RANBP17: variants seen among roughly 807,000 people sequenced by gnomAD.
The protein encoded by RANBP17 is RAN binding protein 17.
RANBP17 carries 158 observed loss-of-function variants against 141.2 expected under a neutral mutation model. That is an observed-to-expected ratio of 1.12 (90% CI 0.98 to 1.28). RANBP17 has a LOEUF of 1.28. Ranked by LOEUF, RANBP17 falls within the 50% of genes most tolerant of loss-of-function variation. The probability of loss-of-function intolerance (pLI) is 0.00; values close to 1 mark genes in which losing one functional copy is unlikely to be tolerated. For missense variants in RANBP17, 1,438 were observed against 1,290.7 expected (o/e 1.11, Z -1.75); for synonymous variants, 430 against 450.0 (o/e 0.96, Z 0.56).
chr5:171,170,524 C>T (rs1048214928), intron 15 of RANBP17, among the ~76,000 whole-genome samples: 6 of 151,820 alleles, frequency 4.0e-5, no homozygotes, highest in East Asian at 1.9e-4. Context: ...GAAAAGCACG[C>T]GATTTGAAAG....
chr5:171,234,918 T>A (rs1428013150), intron 22 of RANBP17, among the ~76,000 whole-genome samples: 1 of 152,138 alleles, frequency 6.6e-6, no homozygotes, highest in East Asian at 1.9e-4. Flanking sequence ...AGGTAAGAAC[T>A]AGGAATGAGT....
intron 14 of RANBP17, among the ~76,000 whole-genome samples, chr5:171,147,642 C>G (rs1266167349): frequency 1.3e-5 from 2 of 152,092 alleles, no homozygotes; most frequent in African/African-American, 4.8e-5. Flanking sequence ...TCTTGAACTC[C>G]TGACTTCATG....
intron 12 of RANBP17, among the ~76,000 whole-genome samples, chr5:170,935,886 C>T (rs916956169): frequency 1.3e-5 from 2 of 152,218 alleles, no homozygotes; most frequent in Non-Finnish European, 2.9e-5. Flanking sequence ...ATGCCCTGCC[C>T]CTAGAGGTGG....
At chr5:171,252,619 C>T in intron 24 of RANBP17, 2 of 1,357,242 alleles carry the variant, frequency 1.5e-6, no homozygotes, top group Non-Finnish European at 2.1e-6. Context: ...TCAACTTCAT[C>T]GATTTACAAA....
intron 24 of RANBP17, chr5:171,252,722 CTGT>C: frequency 6.9e-7 from 1 of 1,451,396 alleles, no homozygotes; most frequent in South Asian, 1.1e-5. Context: ...AGCCTTGTTG[CTGT>C]TGTGGTTCAC....
intron 14 of RANBP17, among the ~76,000 whole-genome samples, chr5:171,040,673 T>C (rs1782193988): frequency 6.6e-6 from 1 of 152,086 alleles, no homozygotes; most frequent in Admixed American, 6.6e-5. Flanking sequence ...GTCCCAAACA[T>C]GGTAAAACTG....
chr5:170,889,913 A>T (rs1217748295), intron 3 of RANBP17, among the ~76,000 whole-genome samples: 4 of 152,202 alleles, frequency 2.6e-5, no homozygotes, highest in Admixed American at 2.6e-4. Flanking sequence ...ACATTCTTAT[A>T]GTTTGTGTAA....
At chr5:171,096,860 G>A (rs951918443) in intron 14 of RANBP17, among the ~76,000 whole-genome samples, 1 of 152,100 alleles carries the variant, frequency 6.6e-6, no homozygotes, top group African/African-American at 2.4e-5. Flanking sequence ...TGAAGAAGGG[G>A]TGGAGGGATG....
At chr5:171,014,709 A>G (rs1483111839) in intron 14 of RANBP17, among the ~76,000 whole-genome samples, 2 of 152,010 alleles carry the variant, frequency 1.3e-5, no homozygotes, top group Non-Finnish European at 2.9e-5. Flanking sequence ...GATTTAAATA[A>G]TAAGAAAATC....
At chr5:171,088,916 C>T (rs1479833046) in intron 14 of RANBP17, among the ~76,000 whole-genome samples, 3 of 151,926 alleles carry the variant, frequency 2.0e-5, no homozygotes, top group African/African-American at 7.2e-5. Flanking sequence ...GAATGTCCTC[C>T]TGTAGCTCAG....
intron 25 of RANBP17, among the ~76,000 whole-genome samples, chr5:171,291,335 G>C (rs1267838575): frequency 6.6e-6 from 1 of 152,186 alleles, no homozygotes; most frequent in Non-Finnish European, 1.5e-5. Flanking sequence ...CCTAGGTTGG[G>C]CACATTTGTT....
At chr5:170,997,497 C>G (rs183311679) in intron 14 of RANBP17, among the ~76,000 whole-genome samples, 31 of 152,268 alleles carry the variant, frequency 2.0e-4, no homozygotes, top group Middle Eastern at 3.4e-3. Flanking sequence ...TCCTCCCAGT[C>G]CACATAGTAA....
At chr5:171,078,624 A>G (rs1409204448) in intron 14 of RANBP17, among the ~76,000 whole-genome samples, 2 of 152,212 alleles carry the variant, frequency 1.3e-5, no homozygotes, top group East Asian at 3.9e-4. Flanking sequence ...AGTTGAAGCC[A>G]GTGCTCACTT....
At chr5:170,938,691 T>A (rs1774084513) in intron 12 of RANBP17, among the ~76,000 whole-genome samples, 1 of 152,166 alleles carries the variant, frequency 6.6e-6, no homozygotes, top group Admixed American at 6.5e-5. Context: ...CATGGATGTG[T>A]TAAACAGTAA....
intron 14 of RANBP17, among the ~76,000 whole-genome samples, chr5:171,008,345 G>A (rs1232960130): frequency 2.6e-5 from 4 of 152,168 alleles, no homozygotes; most frequent in African/African-American, 7.2e-5. Context: ...ATCTCTTCAC[G>A]GAGTGAGGGT....
At chr5:171,296,899 T>A (rs929110121) in intron 27 of RANBP17, among the ~76,000 whole-genome samples, 3 of 152,108 alleles carry the variant, frequency 2.0e-5, no homozygotes, top group African/African-American at 7.2e-5. Flanking sequence ...GGCAACAGAG[T>A]GAGACTCTGT....
At chr5:171,007,026 G>A (rs1381387294) in intron 14 of RANBP17, among the ~76,000 whole-genome samples, 2 of 152,118 alleles carry the variant, frequency 1.3e-5, no homozygotes, top group African/African-American at 4.8e-5. Flanking sequence ...CCTTCCGGGA[G>A]GTCTGGCTCA....
chr5:171,287,859 T>C (rs1376316352), intron 25 of RANBP17, among the ~76,000 whole-genome samples: 1 of 152,146 alleles, frequency 6.6e-6, no homozygotes, highest in Non-Finnish European at 1.5e-5. Flanking sequence ...ATCATCACTT[T>C]AGCTTCAGTT....
intron 14 of RANBP17, among the ~76,000 whole-genome samples, chr5:171,025,344 A>G (rs568102619): frequency 6.6e-6 from 1 of 152,146 alleles, no homozygotes; most frequent in Non-Finnish European, 1.5e-5. Flanking sequence ...TGTCCTCCCT[A>G]GCTTTATGCT....
Sources: gnomAD v4.1 joint callset for allele counts (sites outside exome capture counted in the v4.1 genomes callset) on GRCh38, gnomAD v4.1.1 for gene constraint, MANE v1.5 for transcripts, NCBI Gene and HGNC (gene_info 2026-07-23, HGNC 2026-07-21) for gene names.